The following GABRP variants were observed in gnomAD, a reference collection of about 807,000 sequenced individuals.
GABRP encodes the protein gamma-aminobutyric acid type A receptor subunit pi.
A neutral mutation model predicts 47.8 loss-of-function variants in GABRP; 52 were observed. The ratio of observed to expected loss-of-function variants is 1.09; its 90% CI spans 0.87 to 1.37. The LOEUF is 1.37. Ranked by LOEUF, GABRP falls within the 40% of genes most tolerant of loss-of-function variation. The pLI, the probability that GABRP is intolerant of heterozygous loss-of-function variation, is 0.00. For synonymous variants in GABRP, 221 were observed against 205.8 expected (o/e 1.07, Z -0.63); for missense variants, 525 against 542.8 (o/e 0.97, Z 0.33).
At chr5:170,801,178 G>A (rs1463181724) in intron 6 of GABRP, among the ~76,000 whole-genome samples, 1 of 152,166 alleles carries the variant, frequency 6.6e-6, no homozygotes, top group Non-Finnish European at 1.5e-5. Context: ...CAACCCAGGT[G>A]GAATGGCCCC....
intron 9 of GABRP, chr5:170,810,065 T>C: frequency 1.5e-6 from 1 of 649,716 alleles, no homozygotes; most frequent in Non-Finnish European, 2.8e-6. Context: ...GAAAAAAACA[T>C]GATCAGCTGC....
chr5:170,795,759 C>T (rs1354894022), intron 5 of GABRP, among the ~76,000 whole-genome samples: 2 of 152,122 alleles, frequency 1.3e-5, no homozygotes, highest in African/African-American at 4.8e-5. Flanking sequence ...AGGATGCTTT[C>T]ACAGGATTCT....
At position 170,789,196 on chromosome 5, in the gene GABRP, T is replaced by C; in HGVS notation, c.121T>C (p.Phe41Leu). Reference protein sequence around the residue: ...GRSDKLSLPGFENLTAGYNKF... With the variant: ...GRSDKLSLPGLENLTAGYNKF... ...AAGTGACAAGCTTTCCCTGCCTGGC[T>C]TTGAGAACCTCACAGCAGGATATAA... The change falls in exon 3 of 10, where the codon TTT (phenylalanine) becomes CTT (leucine). Residue 41 changes from phenylalanine (F) to leucine (L), a missense_variant. Transcript: ENST00000265294. 6.2e-7 allele frequency: 1 copy of C among 1,614,200 alleles called. No individual in the cohort carries two copies.
chr5:170,809,943 C>T (rs1363384803), intron 9 of GABRP, 188 bp downstream of exon 9: 1 of 701,504 alleles, frequency 1.4e-6, no homozygotes, highest in African/African-American at 1.8e-5. Context: ...CCATTCTTTT[C>T]ACCAAATACA....
intron 6 of GABRP, among the ~76,000 whole-genome samples, chr5:170,797,807 T>C (rs1469296053): frequency 6.6e-6 from 1 of 152,198 alleles, no homozygotes; most frequent in African/African-American, 2.4e-5. Flanking sequence ...GGAAATGCTT[T>C]AATGTAGTTG....
intron 3 of GABRP, among the ~76,000 whole-genome samples, chr5:170,789,523 A>T (rs1226088450): frequency 6.6e-6 from 1 of 151,914 alleles, no homozygotes; most frequent in Non-Finnish European, 1.5e-5. Context: ...TCCTGCCCCC[A>T]CTTCCAGGGT....
chr5:170,808,698 T>C lies in GABRP; in HGVS notation c.778T>C (p.Ser260Pro), dbSNP rs1455054815. The C allele has an allele frequency of 6.2e-6, 10 of 1,614,078 alleles. No individual in the cohort carries two copies. In the Admixed American group the frequency reaches 1.7e-4, roughly 27 times the overall value. Residue 260 changes from serine (S) to proline (P), a missense_variant, in exon 8 of 10, where the codon TCC becomes CCC. Transcript: ENST00000265294. ...YVPSTFLVVLSWVSFWISLDS... is the reference protein window; with the variant it reads ...YVPSTFLVVLPWVSFWISLDS... ...TCCTTCCACTTTCCTGGTGGTGTTG[T>C]CCTGGGTTTCATTTTGGATCTCTCT...
chr5:170,812,137 G>A lies in GABRP; in HGVS notation c.1202G>A (p.Arg401Lys). 1 of 1,614,106 alleles carries A rather than the reference G, an allele frequency of 6.2e-7. No homozygotes were observed. Among genetic ancestry groups the A allele is most frequent in the East Asian group, 2.2e-5 (1 of 44,878 alleles). ...TTTGTCTTCCGAGAAAAGATGGGCAGGATTGTTGATTATTTCACAATTCAA... is the reference window on the plus strand; with the variant it reads ...TTTGTCTTCCGAGAAAAGATGGGCAAGATTGTTGATTATTTCACAATTCAA... ...FKFVFREKMGRIVDYFTIQNP... is the reference protein window; with the variant it reads ...FKFVFREKMGKIVDYFTIQNP... Residue 401 changes from arginine (R) to lysine (K), a missense_variant, in exon 10 of 10, where the codon AGG becomes AAG. Arg to Lys is a conservative substitution (Grantham distance 26, BLOSUM62 2). Transcript: ENST00000265294.
intron 6 of GABRP, among the ~76,000 whole-genome samples, chr5:170,801,979 A>G (rs954517300): frequency 6.6e-6 from 1 of 152,216 alleles, no homozygotes; most frequent in African/African-American, 2.4e-5. Context: ...ATTATGTACA[A>G]GAAGGAACAA....
intron 6 of GABRP, among the ~76,000 whole-genome samples, chr5:170,799,319 T>C (rs1181002695): frequency 6.6e-6 from 1 of 152,234 alleles, no homozygotes; most frequent in African/African-American, 2.4e-5. Context: ...CTGGGTCAAA[T>C]GGTATTTCTA....
chr5:170,797,874 A>G (rs1334564795), intron 6 of GABRP, among the ~76,000 whole-genome samples: 3 of 152,050 alleles, frequency 2.0e-5, no homozygotes, highest in Non-Finnish European at 4.4e-5. Context: ...CAGCCCCATC[A>G]CCTGTTTCTG....
At chr5:170,811,552 G>C (rs1014201319) in intron 9 of GABRP, among the ~76,000 whole-genome samples, 2 of 152,134 alleles carry the variant, frequency 1.3e-5, no homozygotes, top group Non-Finnish European at 2.9e-5. Context: ...TCAGTCTCAA[G>C]ATGGCAATAC....
chr5:170,791,120 T>C (rs1246375128), intron 3 of GABRP, among the ~76,000 whole-genome samples: 1 of 152,200 alleles, frequency 6.6e-6, no homozygotes, highest in Non-Finnish European at 1.5e-5. Context: ...ATACACTCCT[T>C]CTTGTTTGCC....
At chr5:170,798,190 C>T (rs1056678469) in intron 6 of GABRP, among the ~76,000 whole-genome samples, 5 of 152,150 alleles carry the variant, frequency 3.3e-5, no homozygotes, top group African/African-American at 4.8e-5. Context: ...CACAGGCGCC[C>T]GCCACCACGC....
chr5:170,795,460 C>T (rs770061102), intron 5 of GABRP, 35 bp downstream of exon 5: 5 of 1,555,298 alleles, frequency 3.2e-6, no homozygotes, highest in South Asian at 2.2e-5. Context: ...GGGTGGAGGA[C>T]GGCAGCTGGG....
intron 1 of GABRP, among the ~76,000 whole-genome samples, chr5:170,787,507 G>A (rs550728967): frequency 3.3e-5 from 5 of 152,328 alleles, no homozygotes; most frequent in Admixed American, 6.5e-5. Flanking sequence ...ACACCAGCTG[G>A]AAGGCTTCAG....
At chr5:170,788,378 A>C (rs1035242268) in intron 1 of GABRP, 196 bp from the exon 2 acceptor site, 11 of 422,788 alleles carry the variant, frequency 2.6e-5, no homozygotes, top group East Asian at 3.6e-5. Flanking sequence ...AAAAAAAAAA[A>C]CATAATCCTC....
In GABRP at chr5:170,794,309, T is replaced by C. The variant is rs775121860; in HGVS notation, c.240+11T>C. The C allele has an allele frequency of 1.3e-6, 2 of 1,594,258 alleles. No individual in the cohort carries two copies. The highest frequency in any genetic ancestry group is 1.7e-6 in the Non-Finnish European group (2 of 1,163,296). ...TCAGAGAGTAACATGGTAAGCGCTG[T>C]TCCTTTGTACTCTACCCAAGTAGTC... On this transcript the variant is annotated intron_variant, in intron 4 of 9. Coordinates refer to ENST00000265294, the MANE Select transcript of GABRP (RefSeq NM_014211.3).
chr5:170,809,976 T>C (rs1440328140), intron 9 of GABRP: 1 of 702,432 alleles, frequency 1.4e-6, no homozygotes, highest in Non-Finnish European at 2.6e-6. Flanking sequence ...TATGTTTAAT[T>C]TTCCAGCAGA....
Sources: gnomAD v4.1 joint callset for allele counts (sites outside exome capture counted in the v4.1 genomes callset) on GRCh38, gnomAD v4.1.1 for gene constraint, MANE v1.5 for transcripts, NCBI Gene and HGNC (gene_info 2026-07-23, HGNC 2026-07-21) for gene names.